The following ISLR2 variants were observed in gnomAD, a reference collection of about 807,000 sequenced individuals.
The protein encoded by ISLR2 is immunoglobulin superfamily containing leucine rich repeat 2, also known as immunoglobulin superfamily containing leucine-rich repeat protein 2.
Under a neutral mutation model 25.5 loss-of-function variants are expected in ISLR2, and 16 were observed. The ratio of observed to expected loss-of-function variants is 0.63; its 90% CI spans 0.43 to 0.95. The LOEUF (loss-of-function observed/expected upper bound fraction) is 0.95. Among genes scored for constraint, ISLR2 ranks in the 40% least tolerant of loss-of-function variants. The probability of loss-of-function intolerance (pLI) is 0.00; values close to 1 mark genes in which losing one functional copy is unlikely to be tolerated. For missense variants in ISLR2, 883 were observed against 1,030.7 expected, an observed-to-expected ratio of 0.86 and a Z score of 1.96; for synonymous variants, 508 against 486.6, an observed-to-expected ratio of 1.04 and a Z score of -0.58.
chr15:74,107,929 G>A (rs1361382033), intron 2 of ISLR2, among the ~76,000 whole-genome samples: 3 of 152,064 alleles, frequency 2.0e-5, no homozygotes, highest in Non-Finnish European at 1.5e-5. Context: ...CCCTCCTTCC[G>A]GCCCCACCCA....
upstream of ISLR2, among the ~76,000 whole-genome samples, chr15:74,125,260 CAG>C (rs2072285726): frequency 6.6e-6 from 1 of 152,070 alleles, no homozygotes; most frequent in South Asian, 2.1e-4. Flanking sequence ...TGTTTTGAGA[CAG>C]AGTCTCACTC....
In ISLR2 at chr15:74,133,432, C is replaced by G; in HGVS notation, c.678C>G (p.Pro226=). 6.2e-7 allele frequency: 1 copy of G among 1,608,648 alleles called. No homozygotes were observed. Among genetic ancestry groups the G allele is most frequent in the Admixed American group, 1.7e-5 (1 of 59,970 alleles). The change falls in exon 3 of 3, where the codon CCC becomes CCG. Residue 226 remains proline, a synonymous_variant. Transcript: ENST00000453268. ...AGGGGGTGCCGGTGTACCGCCTGCC[C>G]GCCCTGCCCTGTGCACCGCCCAGCG... is the stretch of plus-strand genomic sequence containing the variant. ...ALQGVPVYRL[P]ALPCAPPSVH...
At chr15:74,129,441 G>A (rs964363100), upstream of ISLR2, 15 of 193,810 alleles carry the variant, frequency 7.7e-5, no homozygotes, top group Non-Finnish European at 1.5e-4. This position sits in a 1 kb window ranked among gnomAD's most constrained non-coding sequence, Gnocchi z 4.5. Flanking sequence ...CCATGGCCCG[G>A]GGTGATGGCT....
chr15:74,114,045 C>T (rs2072191192), intron 2 of ISLR2, among the ~76,000 whole-genome samples: 1 of 152,250 alleles, frequency 6.6e-6, no homozygotes, highest in Non-Finnish European at 1.5e-5. Context: ...GCAGCAGTCT[C>T]TGTTTCCTCC....
At chr15:74,124,724 A>C (rs542074279), upstream of ISLR2, among the ~76,000 whole-genome samples, 1 of 152,302 alleles carries the variant, frequency 6.6e-6, no homozygotes, top group South Asian at 2.1e-4. Context: ...GTGCCACCGC[A>C]CTTCAGCCTG....
At chr15:74,119,081 T>G (rs572789757) in intron 2 of ISLR2, among the ~76,000 whole-genome samples, 1 of 152,278 alleles carries the variant, frequency 6.6e-6, no homozygotes, top group South Asian at 2.1e-4. Flanking sequence ...CCTCAAGCAT[T>G]TATCATTTCT....
At chr15:74,140,361 C>T (rs1207642898), downstream of ISLR2, among the ~76,000 whole-genome samples, 5 of 152,254 alleles carry the variant, frequency 3.3e-5, no homozygotes, top group East Asian at 5.8e-4. Context: ...AGTTTTTCCT[C>T]CTTGATCTCA....
In ISLR2 at chr15:74,134,983, G is replaced by T. The variant is rs945117292; in HGVS notation, c.2229G>T (p.Thr743=). 6.2e-7 allele frequency: 1 copy of T among 1,611,986 alleles called. No individual in the cohort carries two copies. The highest frequency in any genetic ancestry group is 1.1e-5 in the South Asian group (1 of 90,984). ...AQEINGNYRQ[T]AG ...AGATTAATGGCAACTACAGGCAGAC[G>T]GCAGGCTGAACCTCCGCCCGTCCGG... Residue 743 remains threonine (T), a synonymous_variant, in exon 3 of 3, where the codon ACG becomes ACT. Transcript: ENST00000453268.
Position 74,135,026 on chromosome 15 carries a change from T to C in ISLR2, c.*34T>C, listed in dbSNP as rs1401070738. Reference sequence around the variant, plus strand: ...CCGTCCGGCCCGCCCATTCCCGACCTCCACCTAGGGTGCCTGGGAGCAGCA... The same window carrying C: ...CCGTCCGGCCCGCCCATTCCCGACCCCCACCTAGGGTGCCTGGGAGCAGCA... On this transcript the variant is annotated 3_prime_UTR_variant, in exon 3 of 3. Coordinates refer to ENST00000453268, the MANE Select transcript of ISLR2 (RefSeq NM_020851.3). 9 of 1,596,586 alleles carry C rather than the reference T, an allele frequency of 5.6e-6. No individual in the cohort carries two copies. Among genetic ancestry groups the C allele is most frequent in the Non-Finnish European group, 7.7e-6 (9 of 1,170,532 alleles).
At chr15:74,114,549 T>C (rs1388638609) in intron 2 of ISLR2, among the ~76,000 whole-genome samples, 3 of 150,396 alleles carry the variant, frequency 2.0e-5, no homozygotes, top group Admixed American at 2.0e-4. Context: ...CTTGAGGCCA[T>C]GAAGTGGAGG....
Position 74,136,618 on chromosome 15 carries a change from G to A in ISLR2, c.*1626G>A, listed in dbSNP as rs2072571027. The A allele has an allele frequency of 6.4e-6, 1 of 156,908 alleles. No homozygotes were observed. The highest frequency in any genetic ancestry group is 1.5e-5 in the Non-Finnish European group (1 of 68,072). The allele number at this position is 156,908 out of a possible 1,614,324, so 9.7% of individuals were successfully genotyped here. ...GGAGGGGCGCGGCGCGGCGACTCGGGGCGGGGTTCTTTTTTCCATTTTGAA... is the reference window on the plus strand; with the variant it reads ...GGAGGGGCGCGGCGCGGCGACTCGGAGCGGGGTTCTTTTTTCCATTTTGAA... On this transcript the variant is annotated 3_prime_UTR_variant, in exon 3 of 3. Transcript: ENST00000453268.
chr15:74,137,534 A>G (rs930402299), downstream of ISLR2, among the ~76,000 whole-genome samples: 2 of 152,102 alleles, frequency 1.3e-5, no homozygotes, highest in African/African-American at 4.8e-5. Flanking sequence ...ATAGTCCTAG[A>G]AAGGGGCTTT....
chr15:74,134,664 T>G lies in ISLR2; in HGVS notation c.1910T>G (p.Met637Arg). ...CTGCGGCCTCAGGCCCCTGACCCTA[T>G]GGAGAAGCGCATCGCCGCAGACTTC... is the stretch of plus-strand genomic sequence containing the variant. Reference protein sequence around the residue: ...LILRPQAPDPMEKRIAADFDP... With the variant: ...LILRPQAPDPREKRIAADFDP... The change falls in exon 3 of 3, where the codon ATG becomes AGG. Residue 637 changes from methionine to arginine, a missense_variant. By Grantham distance (91) the Met-to-Arg change is moderately conservative (BLOSUM62 -1). This residue lies in a region of ISLR2 where 612 missense variants were observed against 642.8 expected (regional missense o/e 0.95). Coordinates refer to ENST00000453268, the MANE Select transcript of ISLR2 (RefSeq NM_020851.3). The G allele has an allele frequency of 6.2e-7, 1 of 1,613,970 alleles. No individual in the cohort carries two copies. Among genetic ancestry groups the G allele is most frequent in the Non-Finnish European group, 8.5e-7 (1 of 1,179,990 alleles).
intron 2 of ISLR2, among the ~76,000 whole-genome samples, chr15:74,111,179 A>G (rs2072164624): frequency 6.6e-6 from 1 of 150,648 alleles, no homozygotes; most frequent in African/African-American, 2.4e-5. Flanking sequence ...AATAAAAAGG[A>G]GCATGCACAA....
intron 2 of ISLR2, chr15:74,131,793 C>A: frequency 6.6e-6 from 1 of 152,410 alleles, no homozygotes; most frequent in Non-Finnish European, 1.5e-5. Context: ...ACCTCCTTCC[C>A]CGTAAGGAAG....
Position 74,133,279 on chromosome 15 carries a change from C to T in ISLR2, c.525C>T (p.His175=), listed in dbSNP as rs1339620469. The change falls in exon 3 of 3, where the codon CAC becomes CAT. Residue 175 remains histidine (H), a synonymous_variant. Transcript: ENST00000453268. ...GTFDALSALS[H]LQLYHNPFHC... Reference sequence around the variant, plus strand: ...TCGACGCGCTTAGCGCGCTGTCACACTTGCAACTCTATCACAATCCCTTCC... The same window carrying T: ...TCGACGCGCTTAGCGCGCTGTCACATTTGCAACTCTATCACAATCCCTTCC... The T allele has an allele frequency of 6.2e-7, 1 of 1,611,162 alleles. No homozygotes were observed. Among genetic ancestry groups the T allele is most frequent in the East Asian group, 2.2e-5 (1 of 44,888 alleles).
intron 2 of ISLR2, among the ~76,000 whole-genome samples, chr15:74,110,301 G>A (rs2072155571): frequency 6.6e-6 from 1 of 152,190 alleles, no homozygotes; most frequent in Non-Finnish European, 1.5e-5. Flanking sequence ...CTAGAAAATA[G>A]TTTGGCAGCT....
chr15:74,119,292 C>T (rs1324914059), intron 2 of ISLR2, among the ~76,000 whole-genome samples: 3 of 152,046 alleles, frequency 2.0e-5, no homozygotes, highest in Non-Finnish European at 1.5e-5. Flanking sequence ...CTCACTGTAC[C>T]CTTGACCTCT....
upstream of ISLR2, chr15:74,126,069 C>G (rs2072292144): frequency 6.6e-6 from 1 of 151,850 alleles, no homozygotes; most frequent in Non-Finnish European, 1.5e-5. Flanking sequence ...CTACATATAC[C>G]CATGGTGTGT....
Sources: allele counts gnomAD v4.1 joint callset (sites outside exome capture counted in the v4.1 genomes callset), GRCh38; gene constraint gnomAD v4.1.1; regional missense constraint gnomAD v4.1.1; non-coding constraint Gnocchi (gnomAD v3.1); transcripts MANE v1.5; gene names NCBI Gene and HGNC (gene_info 2026-07-23, HGNC 2026-07-21).